The following PDE1A variants were observed in gnomAD, a reference collection of about 807,000 sequenced individuals.
The protein encoded by PDE1A is phosphodiesterase 1A, also known as dual specificity calcium/calmodulin-dependent 3',5'-cyclic nucleotide phosphodiesterase 1A.
A neutral mutation model predicts 61.7 loss-of-function variants in PDE1A; 35 were observed. That is an observed-to-expected ratio of 0.57 (90% confidence interval 0.43 to 0.75). The LOEUF (loss-of-function observed/expected upper bound fraction) is 0.75, where lower values mean the gene tolerates loss of function less well. Ranked by LOEUF, PDE1A falls within the 30% of genes least tolerant of loss-of-function variation. The probability of loss-of-function intolerance (pLI) is 0.00; values close to 1 mark genes in which losing one functional copy is unlikely to be tolerated. For synonymous variants in PDE1A, 232 were observed against 213.2 expected, an observed-to-expected ratio of 1.09 and a Z score of -0.77; for missense variants, 597 against 630.6, an observed-to-expected ratio of 0.95 and a Z score of 0.57.
At chr2:182,671,320 T>C in the PDE1A span, among the ~76,000 whole-genome samples, 12 of 144,782 alleles carry the variant, frequency 8.3e-5, no homozygotes, top group Middle Eastern at 3.8e-3. Context: ...TACAGGCGCC[T>C]GCCACCACGA....
chr2:182,394,648 A>G (rs1237049879), intron 1 of PDE1A, among the ~76,000 whole-genome samples: 1 of 152,226 alleles, frequency 6.6e-6, no homozygotes, highest in Non-Finnish European at 1.5e-5. Flanking sequence ...AATGTCAGGT[A>G]ATTAATGGAT....
At chr2:182,201,969 T>A (rs571556906) in intron 8 of PDE1A, among the ~76,000 whole-genome samples, 180 bp from the exon 9 acceptor site, 2 of 152,326 alleles carry the variant, frequency 1.3e-5, no homozygotes, top group East Asian at 3.9e-4. Flanking sequence ...CTTTTAACTG[T>A]CATGGATCTA....
intron 1 of PDE1A, among the ~76,000 whole-genome samples, chr2:182,392,153 G>A (rs2125395284): frequency 6.6e-6 from 1 of 152,224 alleles, no homozygotes; most frequent in African/African-American, 2.4e-5. Context: ...CCAAGACTGG[G>A]CAATTTATAA....
intron 2 of PDE1A, among the ~76,000 whole-genome samples, chr2:182,457,463 C>A (rs1172029388): frequency 6.6e-6 from 1 of 151,834 alleles, no homozygotes; most frequent in Admixed American, 6.6e-5. Context: ...AGATAAAAAT[C>A]TCAGGAAAAG....
At chr2:182,669,860 C>T in the PDE1A span, among the ~76,000 whole-genome samples, 8 of 152,152 alleles carry the variant, frequency 5.3e-5, no homozygotes, top group Non-Finnish European at 1.2e-4. Flanking sequence ...CTAAGGAATC[C>T]GGGAGTGGCC....
intron 4 of PDE1A, 89 bp from the exon 5 acceptor site, chr2:182,231,220 C>G (rs997228138): frequency 9.7e-6 from 7 of 722,128 alleles, no homozygotes; most frequent in Admixed American, 2.3e-5. Context: ...GTACATTTAG[C>G]AGGTCATCTT....
At chr2:182,290,528 C>A (rs1694458196) in intron 1 of PDE1A, among the ~76,000 whole-genome samples, 1 of 151,868 alleles carries the variant, frequency 6.6e-6, no homozygotes, top group South Asian at 2.1e-4. Flanking sequence ...TGAGTCTCTG[C>A]CCTATATACA....
chr2:182,389,001 T>G (rs145854000), intron 1 of PDE1A, among the ~76,000 whole-genome samples: 327 of 152,196 alleles, frequency 2.1e-3, no homozygotes, highest in African/African-American at 7.5e-3. Context: ...GAGACTACTA[T>G]GAACAATTGT....
intron 1 of PDE1A, among the ~76,000 whole-genome samples, chr2:182,272,597 A>G (rs970609097): frequency 1.3e-5 from 2 of 152,174 alleles, no homozygotes; most frequent in African/African-American, 4.8e-5. Context: ...TAAGACAGGT[A>G]AGTTGGGAAG....
At chr2:182,276,327 A>G (rs1453061113) in intron 1 of PDE1A, among the ~76,000 whole-genome samples, 1 of 152,146 alleles carries the variant, frequency 6.6e-6, no homozygotes, top group African/African-American at 2.4e-5. Flanking sequence ...GCAGAGGAAC[A>G]TAAATTGCAA....
At chr2:182,439,018 GA>G (rs1269325571) in intron 2 of PDE1A, among the ~76,000 whole-genome samples, 1 of 151,966 alleles carries the variant, frequency 6.6e-6, no homozygotes, top group East Asian at 1.9e-4. Context: ...GTATTCAAGA[GA>G]TATTAACTGG....
Position 182,440,768 on chromosome 2 carries a change from T to C in PDE1A, c.101+81508A>G, listed in dbSNP as rs1574661438. Among the ~76,000 whole-genome samples, 4 of 146,994 alleles carry C rather than the reference T, an allele frequency of 2.7e-5. 1 individual carries two copies. In the Admixed American group the frequency reaches 2.8e-4, roughly 10 times the overall value. On this transcript the variant is annotated intron_variant, in intron 2 of 14. Transcript: ENST00000410103. ...CTTCTACTTTAAAATGTTACTTTTA[T>C]TATACATTTAATTTTCATGGGTTTT... is the stretch of plus-strand genomic sequence containing the variant.
chr2:182,334,757 T>A (rs1697671081), intron 1 of PDE1A, among the ~76,000 whole-genome samples: 2 of 152,244 alleles, frequency 1.3e-5, no homozygotes, highest in Admixed American at 6.5e-5. Flanking sequence ...TTCAACATAG[T>A]TTTGGAAGTT....
intron 1 of PDE1A, among the ~76,000 whole-genome samples, chr2:182,383,557 T>C (rs1700853525): frequency 6.6e-6 from 1 of 152,206 alleles, no homozygotes; most frequent in African/African-American, 2.4e-5. Flanking sequence ...ATTTTAGATC[T>C]AGTTGGATGC....
intron 8 of PDE1A, among the ~76,000 whole-genome samples, chr2:182,204,266 T>C (rs1686909363): frequency 6.6e-6 from 1 of 152,242 alleles, no homozygotes. Context: ...TGCTTGTTCC[T>C]ACCTTTGCCC....
At chr2:182,652,397 T>C in the PDE1A span, among the ~76,000 whole-genome samples, 2 of 152,266 alleles carry the variant, frequency 1.3e-5, no homozygotes, top group South Asian at 4.1e-4. Context: ...CCTCCTACGA[T>C]CTGGATCCCT....
At chr2:182,526,287 G>T (rs1690773287), upstream of PDE1A, among the ~76,000 whole-genome samples, 2 of 152,096 alleles carry the variant, frequency 1.3e-5, no homozygotes, top group South Asian at 4.1e-4. Context: ...ATGCATAACT[G>T]AACCTATATA....
At chr2:182,373,335 A>G (rs833113) in intron 1 of PDE1A, among the ~76,000 whole-genome samples, 4 of 152,206 alleles carry the variant, frequency 2.6e-5, no homozygotes, top group Admixed American at 2.6e-4. Flanking sequence ...GCCAAATGAC[A>G]AGGGACTGCT....
At chr2:182,314,836 T>C (rs1178298845) in intron 1 of PDE1A, among the ~76,000 whole-genome samples, 1 of 152,206 alleles carries the variant, frequency 6.6e-6, no homozygotes, top group Non-Finnish European at 1.5e-5. Flanking sequence ...ATGTATTATA[T>C]GTTAATTATG....
Sources: allele counts gnomAD v4.1 joint callset (sites outside exome capture counted in the v4.1 genomes callset), GRCh38; gene constraint gnomAD v4.1.1; transcripts MANE v1.5; gene names NCBI Gene and HGNC (gene_info 2026-07-23, HGNC 2026-07-21).